The following NOMO2 variants were observed in gnomAD, a reference collection of about 807,000 sequenced individuals.
The protein encoded by NOMO2 is NODAL modulator 2.
A neutral mutation model predicts 67.1 loss-of-function variants in NOMO2; 14 were observed. The observed-to-expected ratio is 0.21, with a 90% CI of 0.14 to 0.33. NOMO2 has a LOEUF of 0.33. Among genes scored for constraint, NOMO2 ranks in the 10% least tolerant of loss-of-function variants. The probability of loss-of-function intolerance (pLI) is 1.00; values close to 1 mark genes in which losing one functional copy is unlikely to be tolerated. For synonymous variants in NOMO2, 80 were observed against 305.9 expected (o/e 0.26, Z 7.71); for missense variants, 178 against 761.0 (o/e 0.23, Z 9.01).
At chr16:18,560,582 T>TAG (rs200818508) in intron 1 of NOMO2, among the ~76,000 whole-genome samples, 4 of 151,858 alleles carry the variant, frequency 2.6e-5, no homozygotes, top group African/African-American at 7.3e-5. Context: ...TGCCAGTGGG[T>TAG]ATTCATTCAA....
chr16:18,542,502 AC>A (rs1331294600), intron 8 of NOMO2, 91 bp downstream of exon 8: 30 of 894,794 alleles, frequency 3.4e-5, no homozygotes, highest in Non-Finnish European at 5.3e-5. Context: ...CTGCAGGCCA[AC>A]CATCTTTTCC....
At chr16:18,529,361 G>A (rs1314072247) in intron 15 of NOMO2, 140 bp downstream of exon 15, 3 of 1,585,694 alleles carry the variant, frequency 1.9e-6, no homozygotes. Flanking sequence ...ATTATGCGTT[G>A]CGTAACAGGT....
chr16:18,529,029 A>ATATATATATG (rs1901228554), intron 15 of NOMO2, among the ~76,000 whole-genome samples: 1 of 38,766 alleles, frequency 2.6e-5, no homozygotes, highest in African/African-American at 7.8e-5. Context: ...ATATATATAT[A>ATATATATATG]TATATATATA....
chr16:18,556,391 C>T (rs1376187093), intron 2 of NOMO2, among the ~76,000 whole-genome samples: 1 of 150,840 alleles, frequency 6.6e-6, no homozygotes, highest in Non-Finnish European at 1.5e-5. Context: ...TGCAGTGAGC[C>T]GAGATCGCGC....
intron 3 of NOMO2, among the ~76,000 whole-genome samples, chr16:18,552,732 A>G (rs1236323322): frequency 6.6e-6 from 1 of 151,990 alleles, no homozygotes; most frequent in Non-Finnish European, 1.5e-5. Context: ...ACCCTTGTAC[A>G]CTGCTGGGAG....
intron 1 of NOMO2, among the ~76,000 whole-genome samples, chr16:18,560,560 G>A (rs1006628105): frequency 5.9e-5 from 9 of 151,728 alleles, no homozygotes; most frequent in African/African-American, 1.7e-4. Context: ...GAAATCCTAG[G>A]AGCCCTGCCG....
At position 18,545,158 on chromosome 16, in the gene NOMO2, C is replaced by T. The variant is rs183445692; in HGVS notation, c.583-1389G>A. ...TCACCCAAGCTGAAGTGCAGTGGTG[C>T]AATCTTGGCTCACTGCTACCTCCCC... On this transcript the variant is annotated intron_variant, in intron 6 of 30. Coordinates refer to ENST00000622306, the MANE Select transcript of NOMO2 (RefSeq NM_173614.4). Among the ~76,000 whole-genome samples the T allele has an allele frequency of 1.6e-4, 24 of 146,822 alleles. No individual in the cohort carries two copies. The East Asian group carries it at 3.8e-3, about 23-fold the overall frequency.
At chr16:18,560,562 G>A (rs1017127981) in intron 1 of NOMO2, among the ~76,000 whole-genome samples, 6 of 151,728 alleles carry the variant, frequency 4.0e-5, no homozygotes, top group Non-Finnish European at 8.8e-5. Flanking sequence ...AATCCTAGGA[G>A]CCCTGCCGCT....
intron 11 of NOMO2, chr16:18,533,589 C>G (rs1901354156): frequency 5.7e-6 from 1 of 175,298 alleles, no homozygotes; most frequent in African/African-American, 2.4e-5. Context: ...TCTAAGCTGC[C>G]TAAGAAACTG....
At chr16:18,526,170 G>T (rs1901142090) in intron 16 of NOMO2, among the ~76,000 whole-genome samples, 1 of 151,908 alleles carries the variant, frequency 6.6e-6, no homozygotes, top group Non-Finnish European at 1.5e-5. Flanking sequence ...CCAAACAGAG[G>T]AGCCACTGAA....
At chr16:18,553,409 A>C (rs1901834649) in intron 3 of NOMO2, among the ~76,000 whole-genome samples, 1 of 151,874 alleles carries the variant, frequency 6.6e-6, no homozygotes, top group African/African-American at 2.4e-5. Flanking sequence ...GAGTGAAAGA[A>C]ACTGGATATT....
intron 15 of NOMO2, among the ~76,000 whole-genome samples, chr16:18,528,982 AAAAAAAATACATATAT>A (rs1901220407): frequency 5.0e-5 from 5 of 99,662 alleles, no homozygotes; most frequent in African/African-American, 1.4e-4. Flanking sequence ...AAAAAAAAAA[AAAAAAAATACATATAT>A]ATATATATAT....
Position 18,543,622 on chromosome 16 carries a change from T to C in NOMO2, c.730A>G (p.Lys244Glu). Reference protein sequence around the residue: ...KFLLFSSLVTKEDVLGCNVSP... With the variant: ...KFLLFSSLVTEEDVLGCNVSP... ...TTGTTCTTTTCTTTGCTTACCTCTT[T>C]AGTTACTAAAGAAGAAAAGAGAAGA... Residue 244 changes from lysine (K) to glutamate (E), a missense_variant, in exon 7 of 31, where the codon AAA (lysine) becomes GAA (glutamate). By Grantham distance (56) the Lys-to-Glu change is moderately conservative. Coordinates refer to ENST00000622306, the MANE Select transcript of NOMO2 (RefSeq NM_173614.4). 1 of 1,611,776 alleles carries C rather than the reference T, an allele frequency of 6.2e-7. No individual in the cohort carries two copies. The highest frequency in any genetic ancestry group is 8.5e-7 in the Non-Finnish European group (1 of 1,179,776).
chr16:18,535,780 A>G (rs902638586), intron 11 of NOMO2, among the ~76,000 whole-genome samples: 2 of 150,174 alleles, frequency 1.3e-5, no homozygotes, highest in African/African-American at 2.4e-5. Context: ...GATCCCTATC[A>G]CTCCCTTGCC....
At chr16:18,548,579 T>C (rs539935018) in intron 5 of NOMO2, among the ~76,000 whole-genome samples, 1 of 152,082 alleles carries the variant, frequency 6.6e-6, no homozygotes, top group African/African-American at 2.4e-5. Flanking sequence ...ATTAAATAAA[T>C]GCTTTAAATC....
At chr16:18,548,562 T>G (rs1435048230) in intron 5 of NOMO2, among the ~76,000 whole-genome samples, 2 of 151,926 alleles carry the variant, frequency 1.3e-5, no homozygotes, top group African/African-American at 4.8e-5. Context: ...CTCAACTATA[T>G]ACATCCATTA....
In NOMO2 at chr16:18,560,188, A is replaced by G. The variant is rs564971726; in HGVS notation, c.165+1688T>C. Among the ~76,000 whole-genome samples, 505 of 152,104 alleles carry G rather than the reference A, an allele frequency of 3.3e-3. 2 individuals are homozygous for G. Among genetic ancestry groups the G allele is most frequent in the South Asian group, 9.4e-3 (45 of 4,808 alleles). ...GACACAGGATGGCAATGTAATCTAC[A>G]TCAAGATGGCCAGTATGAAATGTCT... is the stretch of plus-strand genomic sequence containing the variant. On this transcript the variant is annotated intron_variant, in intron 1 of 30. Coordinates refer to ENST00000622306, the MANE Select transcript of NOMO2 (RefSeq NM_173614.4).
At chr16:18,535,837 G>A (rs1005343231) in intron 11 of NOMO2, among the ~76,000 whole-genome samples, 1 of 151,946 alleles carries the variant, frequency 6.6e-6, no homozygotes. Flanking sequence ...CACCCTGTCG[G>A]CCAGGCTGGA....
chr16:18,553,587 T>C (rs1010856037), intron 3 of NOMO2, among the ~76,000 whole-genome samples: 31 of 150,650 alleles, frequency 2.1e-4, no homozygotes, highest in African/African-American at 7.5e-4. Context: ...TCTTATCATC[T>C]GGATGGTGGA....
Sources: gnomAD v4.1 joint callset for allele counts (sites outside exome capture counted in the v4.1 genomes callset) on GRCh38, gnomAD v4.1.1 for gene constraint, MANE v1.5 for transcripts, NCBI Gene and HGNC (gene_info 2026-07-23, HGNC 2026-07-21) for gene names.